Variants in CLINT1 observed in about 807,000 individuals in gnomAD.
The protein encoded by CLINT1 is clathrin interacting protein localized in the trans-Golgi region.
In CLINT1, 15 loss-of-function variants were observed where a neutral mutation model predicts 70.4. The observed-to-expected ratio is 0.21, with a 90% CI of 0.14 to 0.33. The LOEUF is 0.33. Ranked by LOEUF, CLINT1 falls within the 10% of genes least tolerant of loss-of-function variation. The pLI is 1.00. For missense variants in CLINT1, 615 were observed against 778.1 expected, an observed-to-expected ratio of 0.79 and a Z score of 2.49; for synonymous variants, 227 against 254.7, an observed-to-expected ratio of 0.89 and a Z score of 1.04.
intron 8 of CLINT1, among the ~76,000 whole-genome samples, chr5:157,802,910 C>G (rs895161786): frequency 1.3e-5 from 2 of 152,208 alleles, no homozygotes; most frequent in African/African-American, 4.8e-5. Context: ...GACTGAAGCA[C>G]TTGCCATTGT....
Position 157,787,802 on chromosome 5 carries a change from C to G in CLINT1, c.1722G>C (p.Gln574His). The change falls in exon 12 of 12, where the codon CAG becomes CAC. Residue 574 changes from glutamine to histidine, a missense_variant. Transcript: ENST00000411809. ...TGTTCATGTTCATGCCCATCATGCT[C>G]TGGTTCATCATCGGAGTATTTCCAA... The part of the protein sequence containing the change: ...APLGNTPMMN[Q>H]SMMGMNMNIG... The G allele has an allele frequency of 1.9e-6, 3 of 1,613,992 alleles. No individual in the cohort carries two copies. Among genetic ancestry groups the G allele is most frequent in the Non-Finnish European group, 2.5e-6 (3 of 1,179,868 alleles).
chr5:157,848,135 C>T (rs1033553452), intron 1 of CLINT1, among the ~76,000 whole-genome samples: 4 of 151,522 alleles, frequency 2.6e-5, no homozygotes, highest in South Asian at 2.1e-4. Context: ...GATGGAGTCT[C>T]GCTCTGTCGC....
chr5:157,809,180 C>G (rs1346038220), intron 6 of CLINT1: 1 of 152,756 alleles, frequency 6.5e-6, no homozygotes, highest in Non-Finnish European at 1.5e-5. Flanking sequence ...ATAACTTGCA[C>G]ATTTAAGACT....
intron 1 of CLINT1, among the ~76,000 whole-genome samples, chr5:157,842,137 T>C (rs1169984811): frequency 6.6e-6 from 1 of 152,210 alleles, no homozygotes; most frequent in African/African-American, 2.4e-5. Flanking sequence ...TTTTACCGAA[T>C]GTTGATAATT....
chr5:157,844,825 T>C (rs116976849), intron 1 of CLINT1, among the ~76,000 whole-genome samples: 1 of 152,218 alleles, frequency 6.6e-6, no homozygotes, highest in African/African-American at 2.4e-5. Flanking sequence ...ATAATACAGC[T>C]CAACAAATGT....
intron 8 of CLINT1, chr5:157,796,141 A>G (rs999494357): frequency 2.6e-5 from 4 of 152,252 alleles, no homozygotes; most frequent in Non-Finnish European, 4.4e-5. Flanking sequence ...TACTCCATAA[A>G]AGAGTAAATA....
chr5:157,843,488 T>C (rs1301829531), intron 1 of CLINT1, among the ~76,000 whole-genome samples: 1 of 152,190 alleles, frequency 6.6e-6, no homozygotes, highest in Admixed American at 6.5e-5. Context: ...TAACACATAT[T>C]AGCTTATTTA....
intron 1 of CLINT1, among the ~76,000 whole-genome samples, chr5:157,819,616 C>T (rs1344439250): frequency 6.6e-6 from 1 of 152,136 alleles, no homozygotes; most frequent in Non-Finnish European, 1.5e-5. Context: ...TTTCAGAATG[C>T]TTTTGTTTAT....
chr5:157,838,733 A>C (rs1424875827), intron 1 of CLINT1, among the ~76,000 whole-genome samples: 2 of 152,248 alleles, frequency 1.3e-5, no homozygotes, highest in African/African-American at 4.8e-5. Context: ...GGCTGTAACA[A>C]GAAATATTGT....
At chr5:157,815,286 C>T (rs1762685770) in intron 3 of CLINT1, among the ~76,000 whole-genome samples, 2 of 151,916 alleles carry the variant, frequency 1.3e-5, no homozygotes. Context: ...GGTGACAAAG[C>T]CAGACTGTCT....
intron 9 of CLINT1, among the ~76,000 whole-genome samples, chr5:157,792,711 G>A (rs1017239853): frequency 5.3e-5 from 8 of 152,146 alleles, no homozygotes; most frequent in African/African-American, 1.9e-4. Context: ...CCAGAAACAA[G>A]CAAAACCCTA....
chr5:157,854,050 A>G (rs1469687), intron 1 of CLINT1, among the ~76,000 whole-genome samples: 20,114 of 152,220 alleles, frequency 0.13, 1,547 homozygotes, highest in Non-Finnish European at 0.19. Context: ...ACAATTACTT[A>G]TAATCGGTTC....
chr5:157,851,686 CA>C lies in CLINT1; in HGVS notation c.41+7243del, dbSNP rs34229522. 9.9e-3 allele frequency among the ~76,000 whole-genome samples: 884 copies of C among 88,930 alleles called. 8 individuals carry two copies. The highest frequency in any genetic ancestry group is 0.027 in the African/African-American group (686 of 25,354). 58.3% of individuals were successfully genotyped at this position (88,930 alleles called of 152,430 possible). The stretch of plus-strand genomic sequence containing the variant: ...TGAGTGACAGAGCAAGACCCCGTCT[CA>C]AAAAAAAAAAAAAAAAAGAAATGAA... On this transcript the variant is annotated intron_variant, in intron 1 of 11. Coordinates refer to ENST00000411809, the MANE Select transcript of CLINT1 (RefSeq NM_014666.4).
Position 157,806,007 on chromosome 5 carries a change from G to T in CLINT1, c.801C>A (p.Ala267=), listed in dbSNP as rs1316794053. The change falls in exon 7 of 12, where the codon GCC becomes GCA. Residue 267 remains alanine, a synonymous_variant. Coordinates refer to ENST00000411809, the MANE Select transcript of CLINT1 (RefSeq NM_014666.4). ...TGTGTCTGGTTGTGGTGGTCTCTGT[G>T]GCCTGTGTGATATGAATATGCTTTG... is the stretch of plus-strand genomic sequence containing the variant. The part of the protein sequence containing the change: ...VTTKHIHITQ[A]TETTTTRHKR... The T allele has an allele frequency of 6.2e-7, 1 of 1,613,710 alleles. No individual in the cohort carries two copies. Among genetic ancestry groups the T allele is most frequent in the African/African-American group, 1.3e-5 (1 of 74,866 alleles).
intron 1 of CLINT1, among the ~76,000 whole-genome samples, chr5:157,819,539 T>C (rs540777302): frequency 1.3e-5 from 2 of 152,158 alleles, no homozygotes; most frequent in Non-Finnish European, 2.9e-5. Context: ...TTATCAACCA[T>C]GGAACCAAAA....
In CLINT1 at chr5:157,798,572, CA is replaced by C. The variant is rs1240700964; in HGVS notation, c.1013-3601del. Among the ~76,000 whole-genome samples, 8 of 151,646 alleles carry C rather than the reference CA, an allele frequency of 5.3e-5. 1 individual carries two copies. Among genetic ancestry groups the C allele is most frequent in the Admixed American group, 1.3e-4 (2 of 15,248 alleles). ...AATTTACACAACATTAAAGCAATGG[CA>C]AAGTGCAAAAAAAATGTAAATACAT... On this transcript the variant is annotated intron_variant, in intron 8 of 11. Transcript: ENST00000411809.
intron 1 of CLINT1, among the ~76,000 whole-genome samples, chr5:157,838,843 C>T (rs1198862786): frequency 6.6e-6 from 1 of 152,198 alleles, no homozygotes; most frequent in Non-Finnish European, 1.5e-5. Context: ...TCTGTTCACA[C>T]TTAACTCATT....
At chr5:157,805,288 T>G (rs985755625) in intron 7 of CLINT1, among the ~76,000 whole-genome samples, 1 of 152,186 alleles carries the variant, frequency 6.6e-6, no homozygotes, top group Non-Finnish European at 1.5e-5. Flanking sequence ...ATCTCCCTAT[T>G]TGGCAGATTT....
intron 1 of CLINT1, among the ~76,000 whole-genome samples, chr5:157,858,429 T>C (rs1046880644): frequency 1.3e-5 from 2 of 152,082 alleles, no homozygotes; most frequent in Non-Finnish European, 1.5e-5. Context: ...TCAGGTTCAT[T>C]AGGAATTAAG....
Sources: gnomAD v4.1 joint callset for allele counts (sites outside exome capture counted in the v4.1 genomes callset) on GRCh38, gnomAD v4.1.1 for gene constraint, MANE v1.5 for transcripts, NCBI Gene and HGNC (gene_info 2026-07-23, HGNC 2026-07-21) for gene names.